The following BLK variants were observed in gnomAD, a reference collection of about 807,000 sequenced individuals.
BLK encodes tyrosine-protein kinase Blk.
BLK carries 64 observed loss-of-function variants against 61.8 expected under a neutral mutation model. The ratio of observed to expected loss-of-function variants is 1.03; its 90% confidence interval spans 0.85 to 1.27. BLK has a LOEUF of 1.27. Ranked by LOEUF, BLK falls within the 50% of genes most tolerant of loss-of-function variation. BLK has a pLI of 0.00. For synonymous variants in BLK, 351 were observed against 272.0 expected (o/e 1.29, Z -2.86); for missense variants, 853 against 660.5 (o/e 1.29, Z -3.19).
At chr8:11,546,932 C>T (rs73543849) in intron 3 of BLK, among the ~76,000 whole-genome samples, 8 of 152,216 alleles carry the variant, frequency 5.3e-5, no homozygotes, top group Non-Finnish European at 1.2e-4. Flanking sequence ...AGGGAATGAG[C>T]TCAGCCTTTC....
In BLK at chr8:11,556,809, C is replaced by G; in HGVS notation, c.924C>G (p.Ile308Met). The G allele has an allele frequency of 1.2e-6, 2 of 1,614,194 alleles. No homozygotes were observed. Among genetic ancestry groups the G allele is most frequent in the African/African-American group, 2.7e-5 (2 of 75,056 alleles). ...ACGCAGTGGTCACCAAGGAGCCCAT[C>G]TACATTGTCACCGAGTACATGGCCA... ...RLYAVVTKEP[I>M]YIVTEYMARG... Residue 308 changes from isoleucine (I) to methionine (M), a missense_variant, in exon 9 of 13, where the codon ATC becomes ATG. Physicochemically the swap from Ile to Met is conservative, Grantham distance 10. Coordinates refer to ENST00000259089, the MANE Select transcript of BLK (RefSeq NM_001715.3).
At chr8:11,550,394 TCCC>T (rs1488071563) in intron 6 of BLK, 132 bp downstream of exon 6, 34 of 862,066 alleles carry the variant, frequency 3.9e-5, no homozygotes, top group Non-Finnish European at 6.0e-5. Flanking sequence ...CTTGTGTCCC[TCCC>T]AATTCAGGCC....
chr8:11,553,220 G>A (rs936001073), intron 6 of BLK: 7 of 197,520 alleles, frequency 3.5e-5, no homozygotes, highest in South Asian at 7.7e-5. Flanking sequence ...CGTGGCCTCC[G>A]GGGTGTCCTT....
At position 11,564,316 on chromosome 8, in the gene BLK, C is replaced by A; in HGVS notation, c.*208C>A. On this transcript the variant is annotated 3_prime_UTR_variant, in exon 13 of 13. Transcript: ENST00000259089. Reference sequence around the variant, plus strand: ...GGGCGAGTTACGCGGCCTCTCTGTGCCGCTTCATTTGTAGAGGGCTGTAAC... The same window carrying A: ...GGGCGAGTTACGCGGCCTCTCTGTGACGCTTCATTTGTAGAGGGCTGTAAC... 1.4e-6 allele frequency: 1 copy of A among 716,712 alleles called. No individual in the cohort carries two copies. Among genetic ancestry groups the A allele is most frequent in the Non-Finnish European group, 2.5e-6 (1 of 399,464 alleles). The allele number at this position is 716,712 out of a possible 1,614,324, so 44.4% of individuals were successfully genotyped here.
intron 1 of BLK, among the ~76,000 whole-genome samples, chr8:11,529,804 G>A (rs1374290194): frequency 6.6e-6 from 1 of 152,182 alleles, no homozygotes; most frequent in Non-Finnish European, 1.5e-5. Flanking sequence ...AGTTGGTTAG[G>A]TTAGATCTCT....
chr8:11,512,838 T>C (rs1432889766), intron 1 of BLK, among the ~76,000 whole-genome samples: 1 of 152,140 alleles, frequency 6.6e-6, no homozygotes, highest in African/African-American at 2.4e-5. Context: ...AGCTAATTAT[T>C]GTATTTTTAG....
rs1167651141 is a variant in BLK, at chr8:11,548,098, A to AG, written c.247dup (p.Glu83GlyfsTer29). The AG allele has an allele frequency of 4.4e-5, 71 of 1,613,658 alleles. No homozygotes were observed. The highest frequency in any genetic ancestry group is 5.7e-5 in the Non-Finnish European group (67 of 1,180,006). On this transcript the variant is annotated frameshift_variant, in exon 4 of 13. Transcript: ENST00000259089. LOFTEE classifies it high-confidence loss of function. ...AATGATCGGGACCTGCAGATGCTGA[A>AG]GGGGGAGAAGCTACAGGTCCTGAAG...
intron 1 of BLK, among the ~76,000 whole-genome samples, chr8:11,535,738 CTCCTGGT>C (rs2117403311): frequency 6.6e-6 from 1 of 152,336 alleles, no homozygotes; most frequent in African/African-American, 2.4e-5. Context: ...CACTGTGAGC[CTCCTGGT>C]AGGATGCAAC....
chr8:11,562,851 C>T lies in BLK; in HGVS notation c.1181-128C>T, dbSNP rs910781663. ...TAGTGGCTCCCCCGCCATGCCTGGCCGCCCCGCCCTGTGAGGCCCCGCAGT... is the reference window on the plus strand; with the variant it reads ...TAGTGGCTCCCCCGCCATGCCTGGCTGCCCCGCCCTGTGAGGCCCCGCAGT... On this transcript the variant is annotated intron_variant, in intron 11 of 12. Transcript: ENST00000259089. The T allele has an allele frequency of 7.1e-5, 94 of 1,333,268 alleles. 1 individual carries two copies. The East Asian group carries it at 1.3e-3, about 19-fold the overall frequency. 82.6% of individuals were successfully genotyped at this position (1,333,268 alleles called of 1,614,324 possible).
At chr8:11,504,634 A>G (rs946515691) in intron 1 of BLK, among the ~76,000 whole-genome samples, 1 of 152,212 alleles carries the variant, frequency 6.6e-6, no homozygotes, top group African/African-American at 2.4e-5. Flanking sequence ...GGGAGGGGCT[A>G]CTAGCTCAGG....
At chr8:11,556,880 G>T in intron 9 of BLK, 43 bp downstream of exon 9, 1 of 1,603,360 alleles carries the variant, frequency 6.2e-7, no homozygotes. Flanking sequence ...CGAGGCGGGA[G>T]GGCCGGGCTT....
chr8:11,536,454 G>T (rs1250266080), intron 1 of BLK, among the ~76,000 whole-genome samples: 1 of 152,142 alleles, frequency 6.6e-6, no homozygotes, highest in Non-Finnish European at 1.5e-5. Context: ...GCAGTGGCAG[G>T]ATCTTGGCTC....
At chr8:11,515,623 T>G (rs1799192698) in intron 1 of BLK, among the ~76,000 whole-genome samples, 1 of 152,228 alleles carries the variant, frequency 6.6e-6, no homozygotes, top group African/African-American at 2.4e-5. Flanking sequence ...TGCATTATTT[T>G]TCTGTCTTTA....
chr8:11,557,879 G>A (rs1801308151), intron 9 of BLK, 83 bp from the exon 10 acceptor site: 1 of 1,252,442 alleles, frequency 8.0e-7, no homozygotes, highest in African/African-American at 1.5e-5. Flanking sequence ...CGCCCATGGG[G>A]AGCCACTCAC....
At chr8:11,507,974 C>T (rs553430850) in intron 1 of BLK, among the ~76,000 whole-genome samples, 1 of 152,168 alleles carries the variant, frequency 6.6e-6, no homozygotes, top group Non-Finnish European at 1.5e-5. Context: ...TTTGGTGGCT[C>T]TGTGTGGCAC....
chr8:11,548,604 G>A (rs1476803057), intron 4 of BLK, among the ~76,000 whole-genome samples: 1 of 152,202 alleles, frequency 6.6e-6, no homozygotes, highest in Admixed American at 6.5e-5. Flanking sequence ...GGCTTGTCCT[G>A]TGGAGCTCTG....
chr8:11,562,667 C>T (rs1419396429), intron 11 of BLK, among the ~76,000 whole-genome samples: 3 of 152,266 alleles, frequency 2.0e-5, no homozygotes, highest in Admixed American at 2.0e-4. Context: ...AAACAGGCCC[C>T]TTCCATCCCA....
At position 11,556,716 on chromosome 8, in the gene BLK, T is replaced by C; in HGVS notation, c.831T>C (p.Ser277=). Residue 277 remains serine (S), a synonymous_variant, in exon 9 of 13, where the codon TCT becomes TCC. Transcript: ENST00000259089. The part of the protein sequence containing the change: ...AIKTLKEGTM[S]PEAFLGEANV... ...AGACGCTGAAGGAGGGAACCATGTC[T>C]CCAGAAGCCTTTCTGGGTGAGGCCA... 1 of 1,614,132 alleles carries C rather than the reference T, an allele frequency of 6.2e-7. No homozygotes were observed. Among genetic ancestry groups the C allele is most frequent in the Non-Finnish European group, 8.5e-7 (1 of 1,180,016 alleles).
chr8:11,520,198 C>T (rs574866983), intron 1 of BLK, among the ~76,000 whole-genome samples: 1 of 152,140 alleles, frequency 6.6e-6, no homozygotes, highest in South Asian at 2.1e-4. Context: ...ACCACATAGC[C>T]AGGCACGGTG....
Sources: gnomAD v4.1 joint callset for allele counts (sites outside exome capture counted in the v4.1 genomes callset) on GRCh38, gnomAD v4.1.1 for gene constraint, MANE v1.5 for transcripts, NCBI Gene and HGNC (gene_info 2026-07-23, HGNC 2026-07-21) for gene names.